WWOX: variants seen among roughly 807,000 people sequenced by gnomAD.
WWOX encodes the protein WW domain-containing oxidoreductase.
In WWOX, 69 loss-of-function variants were observed where a neutral mutation model predicts 46.2. That is an observed-to-expected ratio of 1.49 (90% CI 1.23 to 1.82). The LOEUF is 1.82. Among genes scored for constraint, WWOX ranks in the 40% most tolerant of loss-of-function variants. WWOX has a pLI of 0.00. For synonymous variants in WWOX, 359 were observed against 202.6 expected (o/e 1.77, Z -6.56); for missense variants, 919 against 542.6 (o/e 1.69, Z -6.89).
chr16:78,364,197 A>T (rs1212314443), intron 5 of WWOX, among the ~76,000 whole-genome samples: 1 of 152,154 alleles, frequency 6.6e-6, no homozygotes, highest in Non-Finnish European at 1.5e-5. Flanking sequence ...GGGTTTGGAT[A>T]TACTGATTAC....
intron 8 of WWOX, among the ~76,000 whole-genome samples, chr16:78,659,758 A>G (rs2047170074): frequency 6.6e-6 from 1 of 152,184 alleles, no homozygotes; most frequent in African/African-American, 2.4e-5. Flanking sequence ...CCACATGAAG[A>G]TAGAAAGTGT....
At chr16:78,493,847 T>C (rs757769885) in intron 8 of WWOX, among the ~76,000 whole-genome samples, 1 of 152,222 alleles carries the variant, frequency 6.6e-6, no homozygotes, top group Non-Finnish European at 1.5e-5. Context: ...CTGCATGATG[T>C]CTGATCATCG....
intron 8 of WWOX, among the ~76,000 whole-genome samples, chr16:79,079,360 T>C (rs1276512825): frequency 1.3e-5 from 2 of 152,038 alleles, no homozygotes; most frequent in African/African-American, 2.4e-5. Flanking sequence ...CAAAAAAAAA[T>C]ATGACAGAAG....
intron 8 of WWOX, among the ~76,000 whole-genome samples, chr16:78,511,596 G>C (rs1202592993): frequency 6.6e-6 from 1 of 152,126 alleles, no homozygotes; most frequent in African/African-American, 2.4e-5. Flanking sequence ...TATATTTCTT[G>C]TTATTCTCGT....
intron 8 of WWOX, among the ~76,000 whole-genome samples, chr16:78,815,407 A>G (rs1031839823): frequency 2.0e-5 from 3 of 152,078 alleles, no homozygotes; most frequent in Non-Finnish European, 4.4e-5. Flanking sequence ...ACTGGAGTAC[A>G]TTGCATGAAA....
chr16:79,160,531 C>A (rs957560745), intron 8 of WWOX, among the ~76,000 whole-genome samples: 3 of 152,188 alleles, frequency 2.0e-5, no homozygotes, highest in African/African-American at 7.2e-5. Context: ...ATGTAACCTA[C>A]TTGAAAGTGT....
At chr16:78,891,521 T>C (rs1172900384) in intron 8 of WWOX, 2 of 152,224 alleles carry the variant, frequency 1.3e-5, no homozygotes, top group African/African-American at 4.8e-5. Flanking sequence ...TTATAAATTA[T>C]TTAAAACACT....
chr16:78,916,259 G>C (rs1343684979), intron 8 of WWOX, among the ~76,000 whole-genome samples: 1 of 152,168 alleles, frequency 6.6e-6, no homozygotes, highest in Non-Finnish European at 1.5e-5. Flanking sequence ...GTTTTAATCA[G>C]CGCTTTCTAC....
At chr16:78,961,355 C>G (rs928690084) in intron 8 of WWOX, among the ~76,000 whole-genome samples, 1 of 152,180 alleles carries the variant, frequency 6.6e-6, no homozygotes, top group Non-Finnish European at 1.5e-5. Context: ...TGTAAGGAAA[C>G]TTGGTCTTTG....
intron 8 of WWOX, among the ~76,000 whole-genome samples, chr16:78,722,698 GTTTTTT>G (rs56266240): frequency 6.9e-4 from 80 of 116,302 alleles, no homozygotes; most frequent in African/African-American, 1.3e-3. Flanking sequence ...GTTTGTCTCT[GTTTTTT>G]TTTTTTTTTT....
At position 78,757,727 on chromosome 16, in the gene WWOX, A is replaced by G. The variant is rs115158461; in HGVS notation, c.1056+324975A>G. Among the ~76,000 whole-genome samples the G allele has an allele frequency of 2.7e-3, 410 of 151,958 alleles. 4 individuals carry two copies. The highest frequency in any genetic ancestry group is 9.2e-3 in the African/African-American group (384 of 41,522). On this transcript the variant is annotated intron_variant, in intron 8 of 8. Transcript: ENST00000566780. Reference sequence around the variant, plus strand: ...AATAAATCCATTTTTATTTATTTATATAAGTAAATAAATTTTCCTATAAAT... The same window carrying G: ...AATAAATCCATTTTTATTTATTTATGTAAGTAAATAAATTTTCCTATAAAT...
intron 8 of WWOX, among the ~76,000 whole-genome samples, chr16:79,154,495 C>G (rs1012492893): frequency 1.4e-5 from 2 of 143,350 alleles, no homozygotes; most frequent in East Asian, 2.0e-4. Flanking sequence ...TTTTAAAATC[C>G]TCTTTTGCAA....
intron 8 of WWOX, among the ~76,000 whole-genome samples, chr16:79,102,205 T>G (rs914630220): frequency 6.6e-6 from 1 of 152,126 alleles, no homozygotes; most frequent in African/African-American, 2.4e-5. Flanking sequence ...TCAATCTTTC[T>G]GAAAGATAAC....
intron 8 of WWOX, among the ~76,000 whole-genome samples, chr16:78,728,593 G>C: frequency 6.6e-6 from 1 of 152,152 alleles, no homozygotes; most frequent in East Asian, 1.9e-4. Context: ...TGACACCTTA[G>C]CATTCTGATG....
At chr16:79,031,773 A>G (rs1393287107) in intron 8 of WWOX, among the ~76,000 whole-genome samples, 1 of 143,484 alleles carries the variant, frequency 7.0e-6, no homozygotes, top group Non-Finnish European at 1.5e-5. Flanking sequence ...TATATAATAT[A>G]TAGAAAGATA....
At chr16:78,624,611 G>T (rs934360792) in intron 8 of WWOX, among the ~76,000 whole-genome samples, 3 of 152,102 alleles carry the variant, frequency 2.0e-5, no homozygotes, top group African/African-American at 7.2e-5. Flanking sequence ...CAGAAATTCA[G>T]AAAATCACTC....
chr16:78,258,905 A>G (rs1291186544), intron 5 of WWOX, among the ~76,000 whole-genome samples: 1 of 152,124 alleles, frequency 6.6e-6, no homozygotes, highest in Non-Finnish European at 1.5e-5. Context: ...CACTTTACAG[A>G]GTTCACTTCC....
At chr16:78,243,070 C>T (rs889485197) in intron 5 of WWOX, among the ~76,000 whole-genome samples, 2 of 152,112 alleles carry the variant, frequency 1.3e-5, no homozygotes, top group African/African-American at 2.4e-5. Context: ...ATCCTAGCCT[C>T]CTCTCACCCA....
intron 8 of WWOX, among the ~76,000 whole-genome samples, chr16:79,127,575 C>A (rs191689112): frequency 6.6e-6 from 1 of 152,266 alleles, no homozygotes; most frequent in Admixed American, 6.5e-5. Flanking sequence ...AACGTGTAAC[C>A]TTGCACCGAC....
Sources: gnomAD v4.1 joint callset for allele counts (sites outside exome capture counted in the v4.1 genomes callset) on GRCh38, gnomAD v4.1.1 for gene constraint, MANE v1.5 for transcripts, NCBI Gene and HGNC (gene_info 2026-07-23, HGNC 2026-07-21) for gene names.